The following TBC1D5 variants were observed in gnomAD, a reference collection of about 807,000 sequenced individuals.
TBC1D5 encodes the protein TBC1 domain family member 5.
TBC1D5 carries 75 observed loss-of-function variants against 100.3 expected under a neutral mutation model. The ratio of observed to expected loss-of-function variants is 0.75; its 90% confidence interval spans 0.62 to 0.91. TBC1D5 has a LOEUF of 0.91. TBC1D5 is among the 40% of genes least tolerant of loss of function. The pLI is 0.00. For synonymous variants in TBC1D5, 323 were observed against 325.6 expected, an observed-to-expected ratio of 0.99 and a Z score of 0.09; for missense variants, 910 against 942.4, an observed-to-expected ratio of 0.97 and a Z score of 0.45.
intron 1 of TBC1D5, among the ~76,000 whole-genome samples, chr3:17,651,579 T>A (rs1447732523): frequency 1.3e-5 from 2 of 152,126 alleles, no homozygotes; most frequent in African/African-American, 4.8e-5. Flanking sequence ...GGCATGCGCC[T>A]GTGATCCCAG....
chr3:17,557,600 G>C (rs1560156314), intron 2 of TBC1D5, among the ~76,000 whole-genome samples: 1 of 152,056 alleles, frequency 6.6e-6, no homozygotes, highest in South Asian at 2.1e-4. Flanking sequence ...ACCCAGGCTG[G>C]AGTGTAGTGG....
intron 5 of TBC1D5, 24 bp downstream of exon 5, chr3:17,406,394 T>C (rs1265392723): frequency 6.3e-7 from 1 of 1,597,952 alleles, no homozygotes; most frequent in Non-Finnish European, 8.5e-7. Flanking sequence ...AACCAGAAAC[T>C]GTAAATAAAT....
In TBC1D5 at chr3:17,490,245, C is replaced by A. The variant is rs375154064; in HGVS notation, c.97+18229G>T. 9.2e-5 allele frequency among the ~76,000 whole-genome samples: 14 copies of A among 152,082 alleles called. No homozygotes were observed. In the East Asian group the frequency reaches 2.3e-3, roughly 25 times the overall value. On this transcript the variant is annotated intron_variant, in intron 3 of 21. Coordinates refer to ENST00000253692, the Ensembl canonical transcript of TBC1D5. ...TTCCTTATAGACTCTAGATTTTAGA[C>A]CTTTGTCAGATGGAGATATTGCAAA...
chr3:17,728,474 T>C (rs2076297880), intron 1 of TBC1D5, among the ~76,000 whole-genome samples: 1 of 152,124 alleles, frequency 6.6e-6, no homozygotes, highest in African/African-American at 2.4e-5. Flanking sequence ...TCTGGTCCTA[T>C]TCAGATATTA....
At chr3:17,297,112 A>G (rs551277851) in intron 14 of TBC1D5, among the ~76,000 whole-genome samples, 2 of 152,370 alleles carry the variant, frequency 1.3e-5, no homozygotes, top group East Asian at 3.9e-4. Flanking sequence ...GTGTGTGAGC[A>G]GAGAAAGATC....
At chr3:17,161,373 T>A (rs2066034449) in intron 21 of TBC1D5, 117 bp from the exon 23 acceptor site, 5 of 1,189,830 alleles carry the variant, frequency 4.2e-6, no homozygotes, top group Non-Finnish European at 5.8e-6. Context: ...TCACCCTACA[T>A]TCGACCTTGA....
intron 2 of TBC1D5, among the ~76,000 whole-genome samples, chr3:17,620,534 A>G (rs1260755724): frequency 6.6e-6 from 1 of 152,228 alleles, no homozygotes; most frequent in Non-Finnish European, 1.5e-5. Context: ...TGATACATGA[A>G]AAAAGTGAAC....
intron 1 of TBC1D5, among the ~76,000 whole-genome samples, chr3:17,723,296 A>G (rs1052329591): frequency 2.0e-5 from 3 of 152,186 alleles, no homozygotes; most frequent in African/African-American, 4.8e-5. Flanking sequence ...ATAAATATAT[A>G]CACCTATTAC....
intron 15 of TBC1D5, among the ~76,000 whole-genome samples, chr3:17,272,793 G>A (rs2149712706): frequency 6.6e-6 from 1 of 152,246 alleles, no homozygotes; most frequent in Non-Finnish European, 1.5e-5. Flanking sequence ...CCAAGTATAT[G>A]GCATTGATAA....
chr3:17,322,884 AGTATACCCAT>A (rs1381300155), intron 13 of TBC1D5, among the ~76,000 whole-genome samples: 3 of 152,236 alleles, frequency 2.0e-5, no homozygotes, highest in Admixed American at 6.5e-5. Flanking sequence ...AAGAGAGGTT[AGTATACCCAT>A]GAAAAATTCA....
intron 1 of TBC1D5, among the ~76,000 whole-genome samples, chr3:17,707,293 A>G (rs538301198): frequency 2.0e-5 from 3 of 151,892 alleles, no homozygotes; most frequent in Admixed American, 1.3e-4. Flanking sequence ...GTTCTGGGGG[A>G]AAAAAAGCTT....
intron 13 of TBC1D5, among the ~76,000 whole-genome samples, chr3:17,318,723 T>C (rs1374655172): frequency 6.6e-6 from 1 of 152,218 alleles, no homozygotes; most frequent in Non-Finnish European, 1.5e-5. Flanking sequence ...GGATAGTTAA[T>C]TCAGTTATGT....
Position 17,583,183 on chromosome 3 carries a change from G to A in TBC1D5, c.-36+40666C>T, listed in dbSNP as rs754312431. On this transcript the variant is annotated intron_variant, in intron 2 of 21. Coordinates refer to ENST00000253692, the Ensembl canonical transcript of TBC1D5. Reference sequence around the variant, plus strand: ...GCTTGAGGTCCCAGCTATTTGAGACGCTGAGGTAAGAGGATTGCTCGTGCC... The same window carrying A: ...GCTTGAGGTCCCAGCTATTTGAGACACTGAGGTAAGAGGATTGCTCGTGCC... Among the ~76,000 whole-genome samples, 7 of 152,200 alleles carry A rather than the reference G, an allele frequency of 4.6e-5. No homozygotes were observed. The East Asian group carries it at 7.7e-4, about 17-fold the overall frequency.
intron 1 of TBC1D5, among the ~76,000 whole-genome samples, chr3:17,693,779 C>T (rs1046887204): frequency 6.6e-6 from 1 of 152,232 alleles, no homozygotes; most frequent in Non-Finnish European, 1.5e-5. Context: ...ACTGCCTCCT[C>T]AATTGGGTCC....
intron 16 of TBC1D5, among the ~76,000 whole-genome samples, chr3:17,250,836 G>A (rs1312021780): frequency 6.6e-6 from 1 of 152,042 alleles, no homozygotes; most frequent in Non-Finnish European, 1.5e-5. Flanking sequence ...AATTATTGTG[G>A]TATATTTTGA....
chr3:17,501,319 C>T lies in TBC1D5; in HGVS notation c.97+7155G>A, dbSNP rs1311453986. Reference sequence around the variant, plus strand: ...TTGGCTAACACCACACAATGTTTCACCAAATTAATGCACTTATCAAACACA... The same window carrying T: ...TTGGCTAACACCACACAATGTTTCATCAAATTAATGCACTTATCAAACACA... On this transcript the variant is annotated intron_variant, in intron 3 of 21. Transcript: ENST00000253692. Among the ~76,000 whole-genome samples, 6 of 149,220 alleles carry T rather than the reference C, an allele frequency of 4.0e-5. 1 individual carries two copies. The highest frequency in any genetic ancestry group is 1.5e-4 in the African/African-American group (6 of 39,206).
Position 17,357,512 on chromosome 3 carries a change from G to A in TBC1D5, c.995+14563C>T, listed in dbSNP as rs554767324. Among the ~76,000 whole-genome samples, 8 of 152,254 alleles carry A rather than the reference G, an allele frequency of 5.3e-5. No individual in the cohort carries two copies. The East Asian group carries it at 9.7e-4, about 18-fold the overall frequency. ...GAGGCCTTCCTGCCTAGAGGTGATC[G>A]ACGTAGAGAAAAGGGAGTTACTTAT... On this transcript the variant is annotated intron_variant, in intron 13 of 21. Coordinates refer to ENST00000253692, the Ensembl canonical transcript of TBC1D5.
intron 15 of TBC1D5, among the ~76,000 whole-genome samples, chr3:17,273,478 G>A (rs950495424): frequency 7.2e-5 from 11 of 152,022 alleles, no homozygotes; most frequent in African/African-American, 2.4e-4. Context: ...ATTTCTACCT[G>A]GATATCCCAT....
chr3:17,537,781 A>G (rs2096297977), intron 2 of TBC1D5, among the ~76,000 whole-genome samples: 1 of 152,214 alleles, frequency 6.6e-6, no homozygotes, highest in Admixed American at 6.5e-5. Context: ...ATATGTATAT[A>G]CCACATTTTG....
Sources: gnomAD v4.1 joint callset for allele counts (sites outside exome capture counted in the v4.1 genomes callset) on GRCh38, gnomAD v4.1.1 for gene constraint, MANE v1.5 for transcripts, NCBI Gene and HGNC (gene_info 2026-07-23, HGNC 2026-07-21) for gene names.